KIF6: variants seen among roughly 807,000 people sequenced by gnomAD.
KIF6 encodes the protein kinesin family member 6, also known as kinesin-like protein KIF6.
In KIF6, 106 loss-of-function variants were observed where a neutral mutation model predicts 112.7. The ratio of observed to expected loss-of-function variants is 0.94; its 90% CI spans 0.80 to 1.11. KIF6 has a LOEUF of 1.11. Among genes scored for constraint, KIF6 ranks in the 50% least tolerant of loss-of-function variants. The probability of loss-of-function intolerance (pLI) is 0.00; values close to 1 mark genes in which losing one functional copy is unlikely to be tolerated. For missense variants in KIF6, 929 were observed against 964.0 expected (o/e 0.96, Z 0.48); for synonymous variants, 339 against 339.9 (o/e 1.00, Z 0.03).
chr6:39,544,528 G>C, intron 12 of KIF6, 27 bp downstream of exon 12: 2 of 1,603,024 alleles, frequency 1.2e-6, no homozygotes, highest in Non-Finnish European at 1.7e-6. Context: ...GATAGAGGAA[G>C]TTTCTTCATC....
intron 15 of KIF6, among the ~76,000 whole-genome samples, chr6:39,398,693 T>C (rs1172254896): frequency 6.6e-6 from 1 of 152,248 alleles, no homozygotes; most frequent in Non-Finnish European, 1.5e-5. Flanking sequence ...GTATTCTGTC[T>C]TCAGAAACAC....
At chr6:39,634,214 A>C (rs1211292908) in intron 5 of KIF6, among the ~76,000 whole-genome samples, 1 of 152,206 alleles carries the variant, frequency 6.6e-6, no homozygotes, top group African/African-American at 2.4e-5. Context: ...GTATATGAAC[A>C]GTTGCCAATT....
At chr6:39,371,440 C>T (rs1765984199) in intron 16 of KIF6, among the ~76,000 whole-genome samples, 1 of 152,146 alleles carries the variant, frequency 6.6e-6, no homozygotes, top group South Asian at 2.1e-4. Context: ...AGAGGCCAAG[C>T]TGTTTCTTCA....
intron 13 of KIF6, among the ~76,000 whole-genome samples, chr6:39,534,004 G>A (rs1013332697): frequency 6.6e-6 from 1 of 152,182 alleles, no homozygotes; most frequent in Non-Finnish European, 1.5e-5. Context: ...TGAGGGTCCT[G>A]TCTGTTAGAA....
At chr6:39,575,586 C>T (rs971877631) in intron 10 of KIF6, among the ~76,000 whole-genome samples, 7 of 152,120 alleles carry the variant, frequency 4.6e-5, no homozygotes, top group South Asian at 2.1e-4. Context: ...TCTTATTTTT[C>T]GTGAGAATAG....
At chr6:39,653,164 G>A (rs1307222189) in intron 3 of KIF6, among the ~76,000 whole-genome samples, 2 of 152,148 alleles carry the variant, frequency 1.3e-5, no homozygotes, top group Admixed American at 6.5e-5. Flanking sequence ...CCTGTAGCAA[G>A]CATCTTACAG....
At chr6:39,681,517 T>C (rs1010041718) in intron 3 of KIF6, among the ~76,000 whole-genome samples, 1 of 152,210 alleles carries the variant, frequency 6.6e-6, no homozygotes, top group African/African-American at 2.4e-5. Flanking sequence ...CAAATCATAA[T>C]TGCCTTTTAA....
intron 15 of KIF6, among the ~76,000 whole-genome samples, chr6:39,386,161 T>C (rs1379348327): frequency 6.6e-6 from 1 of 152,216 alleles, no homozygotes; most frequent in Non-Finnish European, 1.5e-5. Context: ...CATATAATTC[T>C]AGTTTACATT....
intron 15 of KIF6, among the ~76,000 whole-genome samples, chr6:39,392,711 T>G (rs183737221): frequency 9.5e-4 from 144 of 152,302 alleles, no homozygotes; most frequent in African/African-American, 3.3e-3. Context: ...TTGGAAAAAC[T>G]GACTCAAACA....
chr6:39,401,963 C>T (rs1374603471), intron 15 of KIF6, among the ~76,000 whole-genome samples: 1 of 152,092 alleles, frequency 6.6e-6, no homozygotes, highest in African/African-American at 2.4e-5. Flanking sequence ...ATAGGCCTGG[C>T]TGGTATTTTG....
At chr6:39,388,587 C>A (rs532542713) in intron 15 of KIF6, among the ~76,000 whole-genome samples, 1 of 152,096 alleles carries the variant, frequency 6.6e-6, no homozygotes, top group Non-Finnish European at 1.5e-5. Context: ...ATGGCTGATA[C>A]CTAATTGCAT....
At chr6:39,367,315 C>A (rs111254738) in intron 16 of KIF6, among the ~76,000 whole-genome samples, 2 of 152,176 alleles carry the variant, frequency 1.3e-5, no homozygotes, top group Non-Finnish European at 2.9e-5. Context: ...TCCATCCCCA[C>A]GGGGACTCTG....
At chr6:39,721,154 G>C (rs1790194280) in intron 1 of KIF6, among the ~76,000 whole-genome samples, 1 of 152,132 alleles carries the variant, frequency 6.6e-6, no homozygotes, top group Non-Finnish European at 1.5e-5. Context: ...TTAGTATTGT[G>C]TATCAGGAGT....
intron 15 of KIF6, among the ~76,000 whole-genome samples, chr6:39,417,970 G>T (rs1581806437): frequency 6.8e-6 from 1 of 147,372 alleles, no homozygotes; most frequent in South Asian, 2.3e-4. Flanking sequence ...TGACAAATTG[G>T]CCCTGGCTCC....
chr6:39,415,301 T>TAAAAAAAAAA (rs5875672), intron 15 of KIF6, among the ~76,000 whole-genome samples: 5 of 89,454 alleles, frequency 5.6e-5, no homozygotes, highest in African/African-American at 8.6e-5. Flanking sequence ...TTTTAAAATG[T>TAAAAAAAAAA]AAAAAAAAAA....
At position 39,343,778 on chromosome 6, in the gene KIF6, C is replaced by G. The variant is rs139582255; in HGVS notation, c.2359G>C (p.Gly787Arg). 1.2e-6 allele frequency: 2 copies of G among 1,612,520 alleles called. No individual in the cohort carries two copies. Among genetic ancestry groups the G allele is most frequent in the African/African-American group, 1.3e-5 (1 of 74,874 alleles). The change falls in exon 22 of 23, where the codon GGA becomes CGA. Residue 787 changes from glycine to arginine, a missense_variant. By Grantham distance (125) the Gly-to-Arg change is moderately radical. Around this residue, in one of 2 missense-constraint regions of KIF6, gnomAD observed 241 missense variants for 301.4 expected, o/e 0.80. Transcript: ENST00000287152. The surrounding 1 kb of genome is among the most constrained non-coding windows in gnomAD (Gnocchi z 4.1). Reference protein sequence around the residue: ...KRPVSSIPLTGDSQTDSDIIA... With the variant: ...KRPVSSIPLTRDSQTDSDIIA... ...ATGTCCGAGTCCGTCTGGCTGTCTC[C>G]GGTGAGAGGGATGGACGACACTGGC...
chr6:39,345,785 C>T lies in KIF6; in HGVS notation c.2236G>A (p.Val746Met), dbSNP rs773039483. 5.0e-6 allele frequency: 8 copies of T among 1,613,316 alleles called. No individual in the cohort carries two copies. The highest frequency in any genetic ancestry group is 5.9e-6 in the Non-Finnish European group (7 of 1,179,558). Residue 746 changes from valine to methionine, a missense_variant, in exon 21 of 23, where the codon GTG becomes ATG. Transcript: ENST00000287152. ...GAGGGCAGGATTTTCCTGGCATTCA[C>T]ATCACTGCAAAACACAAACAAACAA... is the stretch of plus-strand genomic sequence containing the variant. ...QGTGRFDVCD[V>M]NARKILPSPC... is the part of the protein sequence containing the mutation.
At chr6:39,666,258 A>G (rs909995195) in intron 3 of KIF6, among the ~76,000 whole-genome samples, 2 of 152,234 alleles carry the variant, frequency 1.3e-5, no homozygotes, top group African/African-American at 4.8e-5. Flanking sequence ...TTGGCAATTC[A>G]GTTGAAATCT....
chr6:39,349,679 T>A (rs973733741), intron 19 of KIF6, among the ~76,000 whole-genome samples: 1 of 135,896 alleles, frequency 7.4e-6, no homozygotes, highest in African/African-American at 2.8e-5. Flanking sequence ...GGTCTTGCTC[T>A]GTCTCCAGGC....
Sources: gnomAD v4.1 joint callset for allele counts (sites outside exome capture counted in the v4.1 genomes callset) on GRCh38, gnomAD v4.1.1 for gene constraint, gnomAD v4.1.1 regional missense constraint, Gnocchi (gnomAD v3.1) non-coding constraint, MANE v1.5 for transcripts, NCBI Gene and HGNC (gene_info 2026-07-23, HGNC 2026-07-21) for gene names.